The following PKHD1 variants were observed in gnomAD, a reference collection of about 807,000 sequenced individuals.
PKHD1 encodes PKHD1 ciliary IPT domain containing fibrocystin/polyductin, also known as fibrocystin.
PKHD1 carries 291 observed loss-of-function variants against 412.0 expected under a neutral mutation model. That is an observed-to-expected ratio of 0.71 (90% confidence interval 0.64 to 0.78). The LOEUF is 0.78. PKHD1 is among the 30% of genes least tolerant of loss of function. The pLI is 0.00. For synonymous variants in PKHD1, 1,777 were observed against 1,821.5 expected, an observed-to-expected ratio of 0.98 and a Z score of 0.62; for missense variants, 4,825 against 4,950.7, an observed-to-expected ratio of 0.97 and a Z score of 0.76.
At chr6:52,054,717 A>G (rs1229289487) in intron 19 of PKHD1, among the ~76,000 whole-genome samples, 1 of 152,190 alleles carries the variant, frequency 6.6e-6, no homozygotes, top group Non-Finnish European at 1.5e-5. Context: ...GATGTTCAAC[A>G]GCTTCCCTGG....
rs141997515 is a variant in PKHD1 at position 52,023,989 on chromosome 6, T to C, written c.5236+585A>G. ...CTTACTTTCTAAATCACAACCAAAT[T>C]TGAACTATCTCAAGTGCAACAAGGC... On this transcript the variant is annotated intron_variant, in intron 32 of 66. Transcript: ENST00000371117. Among the ~76,000 whole-genome samples, 101 of 152,322 alleles carry C rather than the reference T, an allele frequency of 6.6e-4. No homozygotes were observed. In the East Asian group the frequency reaches 0.01, roughly 15 times the overall value.
chr6:51,800,950 G>GT (rs562084763), intron 52 of PKHD1, among the ~76,000 whole-genome samples: 8 of 151,900 alleles, frequency 5.3e-5, no homozygotes, highest in East Asian at 1.9e-4. Context: ...TAATTAATGG[G>GT]TTTTTTTTCT....
intron 52 of PKHD1, among the ~76,000 whole-genome samples, chr6:51,798,602 C>T (rs1165893136): frequency 1.3e-5 from 2 of 152,032 alleles, no homozygotes; most frequent in South Asian, 4.2e-4. Context: ...TATGTGTCTA[C>T]GGAATGATCT....
intron 52 of PKHD1, 64 bp from the exon 53 acceptor site, chr6:51,791,437 G>C: frequency 2.0e-6 from 3 of 1,520,498 alleles, no homozygotes; most frequent in Non-Finnish European, 2.7e-6. Flanking sequence ...TTTATTCTGG[G>C]GTTCTCCCAG....
chr6:52,084,819 A>G, intron 2 of PKHD1, 63 bp downstream of exon 2: 1 of 1,018,886 alleles, frequency 9.8e-7, no homozygotes, highest in Non-Finnish European at 1.6e-6. Context: ...AGTTTCAATA[A>G]TAGTTCTCAA....
At chr6:52,023,472 C>T (rs1801701502) in intron 32 of PKHD1, among the ~76,000 whole-genome samples, 1 of 152,126 alleles carries the variant, frequency 6.6e-6, no homozygotes, top group South Asian at 2.1e-4. Context: ...CTTAGAATTC[C>T]ATTATAGGGC....
intron 36 of PKHD1, among the ~76,000 whole-genome samples, chr6:51,958,317 A>C (rs1415385214): frequency 1.3e-5 from 2 of 152,146 alleles, no homozygotes; most frequent in Non-Finnish European, 2.9e-5. Flanking sequence ...TTATCTAAAT[A>C]ATATGAGAGT....
chr6:52,064,822 C>G lies in PKHD1; in HGVS notation c.976+133G>C. 2.3e-5 allele frequency: 10 copies of G among 437,206 alleles called. 1 individual carries two copies. In the South Asian group the frequency reaches 2.8e-4, roughly 12 times the overall value. The allele number at this position is 437,206 out of a possible 1,614,324, so 27.1% of individuals were successfully genotyped here. A position where few individuals can be genotyped will look rare whatever the true frequency, so the allele number is the denominator to read the frequency against. ...GAAAGGAGAGCCTTGACAATGGTAT[C>G]ATGGACCCAGGGCTCACTGAGTAAG... On this transcript the variant is annotated intron_variant, in intron 13 of 66. Coordinates refer to ENST00000371117, the MANE Select transcript of PKHD1 (RefSeq NM_138694.4).
intron 60 of PKHD1, chr6:51,739,917 G>C (rs1784356721): frequency 2.0e-6 from 1 of 509,986 alleles, no homozygotes; most frequent in South Asian, 1.4e-5. Flanking sequence ...CCATCCATTT[G>C]TAGTCTGGGA....
intron 35 of PKHD1, among the ~76,000 whole-genome samples, chr6:51,981,417 TG>T (rs1795241403): frequency 6.8e-6 from 1 of 146,112 alleles, no homozygotes; most frequent in Non-Finnish European, 1.5e-5. Context: ...ACGGTGCTGC[TG>T]CCATCTCGGC....
intron 55 of PKHD1, among the ~76,000 whole-genome samples, chr6:51,764,962 T>G (rs1392212906): frequency 6.6e-6 from 1 of 152,094 alleles, no homozygotes. Context: ...TCTTCAATAA[T>G]GACATCACCT....
At chr6:51,967,920 C>T (rs1000832188) in intron 35 of PKHD1, among the ~76,000 whole-genome samples, 1 of 152,156 alleles carries the variant, frequency 6.6e-6, no homozygotes, top group African/African-American at 2.4e-5. Flanking sequence ...GCACTGCCTT[C>T]GAAAACACTT....
chr6:51,979,746 G>C (rs916239577), intron 35 of PKHD1, among the ~76,000 whole-genome samples: 1 of 152,016 alleles, frequency 6.6e-6, no homozygotes, highest in Non-Finnish European at 1.5e-5. Flanking sequence ...CTCATCCCTC[G>C]CTTCTCCCCA....
chr6:51,843,604 T>G (rs1344911415), intron 50 of PKHD1, among the ~76,000 whole-genome samples: 1 of 152,194 alleles, frequency 6.6e-6, no homozygotes, highest in Non-Finnish European at 1.5e-5. Flanking sequence ...TTCTCCCAAC[T>G]TTGCAAATAT....
chr6:51,900,634 T>C (rs1270887240), intron 43 of PKHD1, among the ~76,000 whole-genome samples: 4 of 151,702 alleles, frequency 2.6e-5, no homozygotes, highest in Admixed American at 6.6e-5. Context: ...GTCTAAAACA[T>C]CAAAAGCAAT....
At chr6:51,994,290 G>A (rs540346346) in intron 35 of PKHD1, among the ~76,000 whole-genome samples, 20 of 151,868 alleles carry the variant, frequency 1.3e-4, no homozygotes, top group South Asian at 4.2e-4. Flanking sequence ...GCCTGCCACC[G>A]CGCCCAGCTA....
intron 60 of PKHD1, among the ~76,000 whole-genome samples, chr6:51,672,553 G>A (rs2174861): frequency 0.45 from 68,215 of 152,004 alleles, 18,557 homozygotes; most frequent in African/African-American, 0.76. Flanking sequence ...TAGTCTGCCC[G>A]TGTTGTGGAG....
intron 34 of PKHD1, among the ~76,000 whole-genome samples, chr6:52,015,747 C>T (rs891118765): frequency 9.2e-5 from 14 of 151,984 alleles, no homozygotes; most frequent in African/African-American, 2.9e-4. Context: ...TGGCTTGAAC[C>T]CGGGAGGCAG....
At chr6:51,781,738 T>C (rs1792048854) in intron 53 of PKHD1, among the ~76,000 whole-genome samples, 1 of 152,080 alleles carries the variant, frequency 6.6e-6, no homozygotes, top group African/African-American at 2.4e-5. Context: ...ATAGTAACCA[T>C]GGAGGTATCA....
Sources: gnomAD v4.1 joint callset for allele counts (sites outside exome capture counted in the v4.1 genomes callset) on GRCh38, gnomAD v4.1.1 for gene constraint, MANE v1.5 for transcripts, NCBI Gene and HGNC (gene_info 2026-07-23, HGNC 2026-07-21) for gene names.